The following SRGAP3 variants were observed in gnomAD, a reference collection of about 807,000 sequenced individuals.
SRGAP3 encodes the protein SLIT-ROBO Rho GTPase activating protein 3.
A neutral mutation model predicts 121.1 loss-of-function variants in SRGAP3; 39 were observed. That is an observed-to-expected ratio of 0.32 (90% CI 0.25 to 0.42). SRGAP3 has a LOEUF of 0.42. Among genes scored for constraint, SRGAP3 ranks in the 10% least tolerant of loss-of-function variants. The pLI is 1.00. For synonymous variants in SRGAP3, 601 were observed against 570.0 expected, an observed-to-expected ratio of 1.05 and a Z score of -0.77; for missense variants, 1,213 against 1,470.6, an observed-to-expected ratio of 0.82 and a Z score of 2.86.
chr3:9,144,665 C>G (rs1949965742), intron 1 of SRGAP3, among the ~76,000 whole-genome samples: 1 of 152,216 alleles, frequency 6.6e-6, no homozygotes, highest in African/African-American at 2.4e-5. Flanking sequence ...CTTGCCGCCA[C>G]CATGTAAGAA....
intron 21 of SRGAP3, among the ~76,000 whole-genome samples, chr3:8,986,440 A>G (rs1941712678): frequency 6.6e-6 from 1 of 152,200 alleles, no homozygotes; most frequent in Non-Finnish European, 1.5e-5. Context: ...CTGAGCACCA[A>G]TCCAAACCCT....
rs1017435427 is a variant in SRGAP3 at position 9,266,375 on chromosome 3, TA to T, written n.442+59634del. The stretch of plus-strand genomic sequence containing the variant: ...ATCCCAGAACTTAAAGTATAATAAT[TA>T]AAAAAAAAAAATCTAAATAGCCACA... On this transcript the variant is annotated intron_variant and non_coding_transcript_variant, in intron 3 of 3. Transcript: ENST00000490889. 5.5e-3 allele frequency among the ~76,000 whole-genome samples: 801 copies of T among 145,594 alleles called. 1 individual carries two copies. The highest frequency in any genetic ancestry group is 7.8e-3 in the Non-Finnish European group (515 of 65,878).
At chr3:9,259,631 G>A (rs1032701626) in intron 3 of SRGAP3, among the ~76,000 whole-genome samples, 1 of 152,052 alleles carries the variant, frequency 6.6e-6, no homozygotes, top group Non-Finnish European at 1.5e-5. Flanking sequence ...TTCACTTAAT[G>A]ACTATTTCTG....
At chr3:9,114,127 G>A (rs142423579) in intron 2 of SRGAP3, among the ~76,000 whole-genome samples, 20 of 152,244 alleles carry the variant, frequency 1.3e-4, no homozygotes, top group African/African-American at 4.6e-4. Flanking sequence ...TGAGTCAAGA[G>A]GCTGGGGTTC....
chr3:9,107,310 G>GA (rs943482242), intron 2 of SRGAP3, among the ~76,000 whole-genome samples: 13 of 152,250 alleles, frequency 8.5e-5, no homozygotes, highest in Admixed American at 2.0e-4. Context: ...GGCTGCATCA[G>GA]AAAAAAAGAA....
chr3:9,060,419 T>C, intron 5 of SRGAP3, 60 bp from the exon 6 acceptor site: 2 of 1,524,854 alleles, frequency 1.3e-6, no homozygotes, highest in Non-Finnish European at 1.7e-6. Flanking sequence ...GGTTTGTGAT[T>C]TTCTATTCCT....
At chr3:9,192,631 A>T (rs1951788497) in intron 1 of SRGAP3, 1 of 152,198 alleles carries the variant, frequency 6.6e-6, no homozygotes, top group South Asian at 2.1e-4. Flanking sequence ...TTTTCCTTGG[A>T]TGATTTTAAC....
At chr3:9,120,297 A>C (rs1228597155) in intron 2 of SRGAP3, among the ~76,000 whole-genome samples, 1 of 152,198 alleles carries the variant, frequency 6.6e-6, no homozygotes, top group Non-Finnish European at 1.5e-5. Context: ...TTTTCAATAG[A>C]AGTGACATCT....
chr3:9,221,751 A>G (rs1157467804), intron 1 of SRGAP3, among the ~76,000 whole-genome samples: 1 of 152,142 alleles, frequency 6.6e-6, no homozygotes, highest in Non-Finnish European at 1.5e-5. Flanking sequence ...TGACAAGGTC[A>G]GTCCACACAC....
chr3:9,010,940 T>C lies in SRGAP3; in HGVS notation c.2148-553A>G, dbSNP rs147100162. Among the ~76,000 whole-genome samples the C allele has an allele frequency of 2.3e-3, 348 of 152,248 alleles. 2 individuals are homozygous for C. The highest frequency in any genetic ancestry group is 3.7e-3 in the Non-Finnish European group (251 of 68,012). On this transcript the variant is annotated intron_variant, in intron 17 of 21. Coordinates refer to ENST00000383836, the MANE Select transcript of SRGAP3 (RefSeq NM_014850.4). ...CATAGTGGCTGAGTAATCCAGTCCA[T>C]CAGATTTAATTGTTAATGTGCTGGT...
At chr3:9,290,120 A>G (rs1325588057) in intron 3 of SRGAP3, among the ~76,000 whole-genome samples, 1 of 151,802 alleles carries the variant, frequency 6.6e-6, no homozygotes, top group Admixed American at 6.6e-5. Flanking sequence ...TAAAAAAAAA[A>G]CCACCATCAC....
At chr3:9,130,516 G>A (rs577655372) in intron 1 of SRGAP3, among the ~76,000 whole-genome samples, 1 of 152,278 alleles carries the variant, frequency 6.6e-6, no homozygotes, top group Admixed American at 6.5e-5. Flanking sequence ...AGCTCAGGAG[G>A]AAGTCGCTAG....
intron 1 of SRGAP3, among the ~76,000 whole-genome samples, chr3:9,354,509 C>A (rs550211221): frequency 1.3e-5 from 2 of 151,958 alleles, no homozygotes; most frequent in African/African-American, 4.8e-5. Context: ...GAAACCCGGT[C>A]TCTACTAAAA....
At chr3:9,349,830 T>A (rs994271233) in intron 1 of SRGAP3, 3 of 152,242 alleles carry the variant, frequency 2.0e-5, no homozygotes, top group African/African-American at 7.2e-5. Flanking sequence ...CATACCAACA[T>A]GGAATAAGCT....
chr3:9,336,210 C>G (rs1403861898), intron 1 of SRGAP3, among the ~76,000 whole-genome samples: 1 of 151,784 alleles, frequency 6.6e-6, no homozygotes, highest in Non-Finnish European at 1.5e-5. Context: ...TCCCCCTCCC[C>G]CTCCCTCTCT....
At chr3:9,306,054 C>G (rs373675176) in intron 3 of SRGAP3, among the ~76,000 whole-genome samples, 3 of 152,184 alleles carry the variant, frequency 2.0e-5, no homozygotes, top group African/African-American at 7.2e-5. Context: ...TATTTCTTCT[C>G]CACATCCTCT....
intron 7 of SRGAP3, 150 bp from the exon 8 acceptor site, chr3:9,056,484 A>G (rs958369346): frequency 2.5e-6 from 2 of 796,676 alleles, no homozygotes; most frequent in East Asian, 2.7e-5. Flanking sequence ...CACAGAGCTC[A>G]TAAGTGGCCG....
intron 1 of SRGAP3, among the ~76,000 whole-genome samples, chr3:9,205,901 A>C (rs775098119): frequency 6.6e-6 from 1 of 152,210 alleles, no homozygotes; most frequent in South Asian, 2.1e-4. Context: ...GTATGATTCT[A>C]CTCATACGGG....
intron 1 of SRGAP3, among the ~76,000 whole-genome samples, chr3:9,187,520 C>T (rs903608628): frequency 9.2e-5 from 14 of 152,238 alleles, no homozygotes; most frequent in African/African-American, 3.4e-4. Context: ...ACAAATCGAG[C>T]AGTCTTACCC....
Sources: allele counts gnomAD v4.1 joint callset (sites outside exome capture counted in the v4.1 genomes callset), GRCh38; gene constraint gnomAD v4.1.1; transcripts MANE v1.5; gene names NCBI Gene and HGNC (gene_info 2026-07-23, HGNC 2026-07-21).